RGSL1: variants seen among roughly 807,000 people sequenced by gnomAD.
RGSL1 encodes the protein regulator of G protein signaling protein-like.
Under a neutral mutation model 124.7 loss-of-function variants are expected in RGSL1, and 97 were observed. That is an observed-to-expected ratio of 0.78 (90% CI 0.66 to 0.92). The LOEUF (loss-of-function observed/expected upper bound fraction) is 0.92, where lower values mean the gene tolerates loss of function less well. Ranked by LOEUF, RGSL1 falls within the 40% of genes least tolerant of loss-of-function variation. RGSL1 has a pLI of 0.00. For missense variants in RGSL1, 1,233 were observed against 1,288.4 expected (o/e 0.96, Z 0.66); for synonymous variants, 424 against 438.1 (o/e 0.97, Z 0.40).
rs1027239747 is a variant in RGSL1 at position 182,468,388 on chromosome 1, C to A, written c.302-4008C>A. On this transcript the variant is annotated intron_variant, in intron 4 of 21. Transcript: ENST00000294854. Reference sequence around the variant, plus strand: ...AACCCAAATGTCCAACAATGATAGACTGGATTAAGAAAATGTGGCACATAT... The same window carrying A: ...AACCCAAATGTCCAACAATGATAGAATGGATTAAGAAAATGTGGCACATAT... Among the ~76,000 whole-genome samples, 4 of 152,296 alleles carry A rather than the reference C, an allele frequency of 2.6e-5. No homozygotes were observed. The East Asian group carries it at 7.7e-4, about 29-fold the overall frequency.
intron 9 of RGSL1, among the ~76,000 whole-genome samples, chr1:182,519,193 A>G (rs1048151435): frequency 2.6e-5 from 4 of 152,128 alleles, no homozygotes; most frequent in South Asian, 4.1e-4. Context: ...GTTAACTCAC[A>G]TATTTAACTG....
chr1:182,543,102 T>C (rs186323987), intron 15 of RGSL1, among the ~76,000 whole-genome samples: 12 of 152,308 alleles, frequency 7.9e-5, no homozygotes, highest in Admixed American at 1.3e-4. Context: ...ATAAGAGTAG[T>C]GAGAGTGGGC....
chr1:182,530,890 A>T lies in RGSL1; in HGVS notation c.2344A>T (p.Thr782Ser), dbSNP rs530159990. The change falls in exon 13 of 22, where the codon ACT becomes TCT. Residue 782 changes from threonine to serine, a missense_variant. Transcript: ENST00000294854. ...SSRKPSKIVS[T>S]YLQESQKKGW... ...TAGGAAGCCCTCAAAGATAGTGTCA[A>T]CTTACCTACAGGAATCCCAGGTTAG... 6.5e-7 allele frequency: 1 copy of T among 1,549,108 alleles called. No homozygotes were observed. The highest frequency in any genetic ancestry group is 1.4e-5 in the African/African-American group (1 of 73,010).
At chr1:182,483,517 C>T (rs546285651) in intron 6 of RGSL1, among the ~76,000 whole-genome samples, 45 of 151,946 alleles carry the variant, frequency 3.0e-4, no homozygotes, top group African/African-American at 9.2e-4. Flanking sequence ...TATATGAATA[C>T]GTGTGTGCAT....
At chr1:182,477,626 T>C (rs1270116864) in intron 6 of RGSL1, among the ~76,000 whole-genome samples, 1 of 152,200 alleles carries the variant, frequency 6.6e-6, no homozygotes, top group African/African-American at 2.4e-5. Context: ...GACTCAGCTA[T>C]AACCCAAACC....
intron 10 of RGSL1, among the ~76,000 whole-genome samples, chr1:182,525,313 A>T (rs746730087): frequency 6.6e-6 from 1 of 152,200 alleles, no homozygotes; most frequent in Non-Finnish European, 1.5e-5. Context: ...AACTCTCTCT[A>T]GGGTGATTCA....
intron 6 of RGSL1, among the ~76,000 whole-genome samples, chr1:182,478,125 C>G (rs113906592): frequency 7.9e-5 from 12 of 152,212 alleles, no homozygotes; most frequent in Admixed American, 7.9e-4. Flanking sequence ...CTCTGTCACC[C>G]AGGCTGGAAT....
chr1:182,556,594 T>C (rs1278584607), intron 21 of RGSL1, among the ~76,000 whole-genome samples: 1 of 152,178 alleles, frequency 6.6e-6, no homozygotes, highest in African/African-American at 2.4e-5. Context: ...CTAAGATTAC[T>C]GGGCAGTAAA....
At chr1:182,458,897 C>T (rs994294889) in intron 3 of RGSL1, among the ~76,000 whole-genome samples, 1 of 152,206 alleles carries the variant, frequency 6.6e-6, no homozygotes, top group African/African-American at 2.4e-5. Flanking sequence ...CTACATTTCT[C>T]CTTTTTACAT....
In RGSL1 at chr1:182,556,077, G is replaced by A; in HGVS notation, c.*20G>A. 1 of 1,550,332 alleles carries A rather than the reference G, an allele frequency of 6.5e-7. No homozygotes were observed. The highest frequency in any genetic ancestry group is 8.7e-7 in the Non-Finnish European group (1 of 1,145,902). On this transcript the variant is annotated 3_prime_UTR_variant, in exon 21 of 22. Coordinates refer to ENST00000294854, the MANE Select transcript of RGSL1 (RefSeq NM_001137669.2). ...AAGTAATCAAGCGAGACCCCCAGCA[G>A]AGATAAATCATCTCTTAGAGGCCTC... is the stretch of plus-strand genomic sequence containing the variant.
intron 2 of RGSL1, among the ~76,000 whole-genome samples, chr1:182,455,247 G>A (rs530889061): frequency 1.1e-4 from 16 of 152,262 alleles, no homozygotes; most frequent in African/African-American, 3.9e-4. Flanking sequence ...GTACTTGACA[G>A]GTAACTGGAA....
intron 18 of RGSL1, among the ~76,000 whole-genome samples, chr1:182,553,007 C>T (rs1660660533): frequency 6.6e-6 from 1 of 152,166 alleles, no homozygotes; most frequent in Non-Finnish European, 1.5e-5. Flanking sequence ...TGGGTTCAAG[C>T]AATTCTCCTG....
chr1:182,530,150 G>T, intron 11 of RGSL1, 94 bp from the exon 12 acceptor site: 2 of 833,882 alleles, frequency 2.4e-6, no homozygotes, highest in South Asian at 1.8e-5. Flanking sequence ...GGGGCTGTGA[G>T]ACTCTAAGAT....
chr1:182,459,139 A>T (rs1652595013), intron 3 of RGSL1, among the ~76,000 whole-genome samples: 1 of 152,208 alleles, frequency 6.6e-6, no homozygotes, highest in Admixed American at 6.5e-5. Flanking sequence ...AATTATTGTC[A>T]GTATGCATTA....
At chr1:182,503,207 G>A (rs934248374) in intron 9 of RGSL1, among the ~76,000 whole-genome samples, 4 of 152,182 alleles carry the variant, frequency 2.6e-5, no homozygotes, top group Admixed American at 1.3e-4. Context: ...GCACTCCCAT[G>A]TTTGTTGCAG....
chr1:182,482,095 C>T (rs1654753551), intron 6 of RGSL1, among the ~76,000 whole-genome samples: 1 of 152,188 alleles, frequency 6.6e-6, no homozygotes, highest in African/African-American at 2.4e-5. Context: ...GCAAATCAAT[C>T]ACTGTGATGC....
intron 21 of RGSL1, among the ~76,000 whole-genome samples, chr1:182,557,917 G>T (rs1462961084): frequency 6.6e-6 from 1 of 152,180 alleles, no homozygotes; most frequent in Non-Finnish European, 1.5e-5. Context: ...GTGTATAAAT[G>T]AGTAACGCAG....
chr1:182,531,224 A>G (rs1200841390), intron 13 of RGSL1, among the ~76,000 whole-genome samples: 2 of 152,168 alleles, frequency 1.3e-5, no homozygotes, highest in African/African-American at 4.8e-5. Flanking sequence ...GGTCTAACGG[A>G]ACAACTTAGA....
chr1:182,554,008 C>G (rs772250971), intron 19 of RGSL1, among the ~76,000 whole-genome samples: 3 of 152,178 alleles, frequency 2.0e-5, no homozygotes, highest in Non-Finnish European at 4.4e-5. Context: ...ACCTGCAGTT[C>G]TAACCTCGCA....
Sources: gnomAD v4.1 joint callset for allele counts (sites outside exome capture counted in the v4.1 genomes callset) on GRCh38, gnomAD v4.1.1 for gene constraint, MANE v1.5 for transcripts, NCBI Gene and HGNC (gene_info 2026-07-23, HGNC 2026-07-21) for gene names.